The following GCM2 variants were observed in gnomAD, a reference collection of about 807,000 sequenced individuals.
The protein encoded by GCM2 is GCM transcription factor 2, also known as chorion-specific transcription factor GCMb.
Under a neutral mutation model 24.8 loss-of-function variants are expected in GCM2, and 21 were observed. The observed-to-expected ratio is 0.85, with a 90% CI of 0.60 to 1.22. The LOEUF (loss-of-function observed/expected upper bound fraction) is 1.22. GCM2 is among the 50% of genes most tolerant of loss of function. GCM2 has a pLI of 0.00. For missense variants in GCM2, 532 were observed against 645.6 expected (o/e 0.82, Z 1.91); for synonymous variants, 222 against 238.0 (o/e 0.93, Z 0.62).
In GCM2 at chr6:10,873,758, A is replaced by G; in HGVS notation, c.*237T>C. 1.8e-6 allele frequency: 1 copy of G among 563,278 alleles called. No individual in the cohort carries two copies. The allele number at this position is 563,278 out of a possible 1,614,324, so 34.9% of individuals were successfully genotyped here. A position where few individuals can be genotyped will look rare whatever the true frequency, so the allele number is the denominator to read the frequency against. ...GCTTATTTGTTCATTTGAGAGACTC[A>G]CACTTTCCTCACTACTTCTATGTAT... On this transcript the variant is annotated 3_prime_UTR_variant, in exon 5 of 5. Coordinates refer to ENST00000379491, the MANE Select transcript of GCM2 (RefSeq NM_004752.4).
At chr6:10,881,299 T>C (rs577929893) in intron 1 of GCM2, among the ~76,000 whole-genome samples, 7 of 152,118 alleles carry the variant, frequency 4.6e-5, no homozygotes, top group Non-Finnish European at 7.4e-5. Flanking sequence ...GCTGCGACTT[T>C]AGGCATGCGC....
At chr6:10,877,512 C>T in intron 1 of GCM2, 120 bp from the exon 2 acceptor site, 1 of 1,027,682 alleles carries the variant, frequency 9.7e-7, no homozygotes, top group East Asian at 2.5e-5. Flanking sequence ...CCAGTAACGT[C>T]AAATTCCAAA....
intron 1 of GCM2, among the ~76,000 whole-genome samples, chr6:10,878,594 A>G (rs185552280): frequency 2.0e-5 from 3 of 152,348 alleles, no homozygotes; most frequent in Admixed American, 6.5e-5. Flanking sequence ...CTGGGATTAC[A>G]GGCATAAGCC....
Position 10,874,895 on chromosome 6 carries a change from G to A in GCM2, c.621C>T (p.Asn207=), listed in dbSNP as rs1779855299. Residue 207 remains asparagine (N), a synonymous_variant, in exon 5 of 5, where the codon AAC becomes AAT. Coordinates refer to ENST00000379491, the MANE Select transcript of GCM2 (RefSeq NM_004752.4). ...ENQDSSGHFS[N]IPPLENPEDF... ...CTTCTGGATTTTCCAAGGGAGGTAT[G>A]TTGCTGAAATGACCACTGCTGTCTT... 6.2e-7 allele frequency: 1 copy of A among 1,613,820 alleles called. No homozygotes were observed. Among genetic ancestry groups the A allele is most frequent in the African/African-American group, 1.3e-5 (1 of 74,920 alleles).
intron 1 of GCM2, among the ~76,000 whole-genome samples, chr6:10,880,833 T>C (rs549773234): frequency 2.2e-4 from 33 of 152,262 alleles, no homozygotes; most frequent in African/African-American, 7.5e-4. Flanking sequence ...GTTAGGGAGG[T>C]CTGAGCAAAT....
At position 10,874,866 on chromosome 6, in the gene GCM2, A is replaced by G; in HGVS notation, c.650T>C (p.Phe217Ser). 1 of 1,613,944 alleles carries G rather than the reference A, an allele frequency of 6.2e-7. No individual in the cohort carries two copies. Among genetic ancestry groups the G allele is most frequent in the East Asian group, 2.2e-5 (1 of 44,880 alleles). ...NIPPLENPED[F>S]DIVTETSFPI... ...GAAGCTGGTTTCAGTAACTATATCA[A>G]AGTCTTCTGGATTTTCCAAGGGAGG... Residue 217 changes from phenylalanine (F) to serine (S), a missense_variant, in exon 5 of 5, where the codon TTT (phenylalanine) becomes TCT (serine). Transcript: ENST00000379491.
In GCM2 at chr6:10,874,447, G is replaced by A. The variant is rs763269716; in HGVS notation, c.1069C>T (p.Arg357Cys). 8.1e-6 allele frequency: 13 copies of A among 1,614,066 alleles called. No homozygotes were observed. Among genetic ancestry groups the A allele is most frequent in the Admixed American group, 5.0e-5 (3 of 60,008 alleles). Residue 357 changes from arginine to cysteine, a missense_variant, in exon 5 of 5, where the codon CGC (arginine) becomes TGC (cysteine). Physicochemically the swap from Arg to Cys is radical, Grantham distance 180 (BLOSUM62 -3). Coordinates refer to ENST00000379491, the MANE Select transcript of GCM2 (RefSeq NM_004752.4). ...GGAAGCTCTGGGTTATAATAAGGGCGAGTGGCCATGGCCTGAAACTGCCCA... is the reference window on the plus strand; with the variant it reads ...GGAAGCTCTGGGTTATAATAAGGGCAAGTGGCCATGGCCTGAAACTGCCCA... ...NHGQFQAMATRPYYNPELPCR... is the reference protein window; with the variant it reads ...NHGQFQAMATCPYYNPELPCR...
Position 10,874,299 on chromosome 6 carries a change from C to G in GCM2, c.1217G>C (p.Arg406Pro). The change falls in exon 5 of 5, where the codon CGA becomes CCA. Residue 406 changes from arginine to proline, a missense_variant. Arg to Pro is a moderately radical substitution (Grantham distance 103). Around this residue, in one of 3 missense-constraint regions of GCM2, gnomAD observed 434 missense variants for 521.9 expected, o/e 0.83. Transcript: ENST00000379491. Reference protein sequence around the residue: ...PPAMKYSDSVREVKSLSSCNY... With the variant: ...PPAMKYSDSVPEVKSLSSCNY... ...ACAGCTCGAAAGGCTCTTCACCTCT[C>G]GCACACTGTCACTGTATTTCATAGC... 2 of 1,614,218 alleles carry G rather than the reference C, an allele frequency of 1.2e-6. No homozygotes were observed. The highest frequency in any genetic ancestry group is 1.7e-6 in the Non-Finnish European group (2 of 1,180,048).
chr6:10,877,433 C>G (rs1174346019), intron 1 of GCM2, 41 bp from the exon 2 acceptor site: 3 of 1,608,844 alleles, frequency 1.9e-6, no homozygotes, highest in Admixed American at 3.3e-5. Context: ...TCTATCCAGT[C>G]CAAACTGCAC....
Position 10,881,891 on chromosome 6 carries a change from G to C in GCM2, c.-98C>G. 1 of 918,244 alleles carries C rather than the reference G, an allele frequency of 1.1e-6. No homozygotes were observed. The highest frequency in any genetic ancestry group is 2.0e-5 in the Admixed American group (1 of 50,956). The allele number at this position is 918,244 out of a possible 1,614,324, so 56.9% of individuals were successfully genotyped here. A position where few individuals can be genotyped will look rare whatever the true frequency, so the allele number is the denominator to read the frequency against. ...GGTTTTTTTTCTTCTCTTTAAAGAA[G>C]AAAGTGGGGTGTGTGAAGGGGAGGT... On this transcript the variant is annotated 5_prime_UTR_variant, in exon 1 of 5. Coordinates refer to ENST00000379491, the MANE Select transcript of GCM2 (RefSeq NM_004752.4).
chr6:10,875,024 A>T, intron 4 of GCM2, 91 bp from the exon 5 acceptor site: 1 of 909,378 alleles, frequency 1.1e-6, no homozygotes, highest in South Asian at 1.3e-5. Context: ...GTAAAAACAG[A>T]CATCCATGTG....
intron 1 of GCM2, among the ~76,000 whole-genome samples, chr6:10,881,171 T>TTCTTC (rs1258050223): frequency 7.2e-6 from 1 of 138,004 alleles, no homozygotes; most frequent in Non-Finnish European, 1.5e-5. Context: ...TCTTCTTCTT[T>TTCTTC]TTTTGAGATG....
At chr6:10,881,545 T>A (rs1198372175) in intron 1 of GCM2, among the ~76,000 whole-genome samples, 159 bp downstream of exon 1, 3 of 146,842 alleles carry the variant, frequency 2.0e-5, no homozygotes, top group Non-Finnish European at 4.5e-5. Context: ...ACCCAGAAAT[T>A]TTGCGGGTAT....
In GCM2 at chr6:10,874,673, A is replaced by C; in HGVS notation, c.843T>G (p.Gly281=). 1 of 1,614,110 alleles carries C rather than the reference A, an allele frequency of 6.2e-7. No individual in the cohort carries two copies. Among genetic ancestry groups the C allele is most frequent in the Non-Finnish European group, 8.5e-7 (1 of 1,179,984 alleles). ...PPCSYELANP[G]YTNSSPYPTL... ...TGGGATATGGGCTTGAATTTGTATA[A>C]CCAGGGTTTGCCAATTCATAGCTGC... The change falls in exon 5 of 5, where the codon GGT becomes GGG. Residue 281 remains glycine, a synonymous_variant. Coordinates refer to ENST00000379491, the MANE Select transcript of GCM2 (RefSeq NM_004752.4).
At chr6:10,878,610 G>T (rs1779915427) in intron 1 of GCM2, among the ~76,000 whole-genome samples, 1 of 152,148 alleles carries the variant, frequency 6.6e-6, no homozygotes, top group African/African-American at 2.4e-5. Flanking sequence ...AAGCCACCAT[G>T]CCCGGCCACT....
intron 1 of GCM2, 21 bp downstream of exon 1, chr6:10,881,683 G>T (rs1330838165): frequency 5.0e-6 from 8 of 1,584,174 alleles, no homozygotes; most frequent in Non-Finnish European, 6.9e-6. Flanking sequence ...CCGCGTGCCC[G>T]CACACACCCG....
At position 10,875,934 on chromosome 6, in the gene GCM2, G is replaced by A. The variant is rs758478660; in HGVS notation, c.539C>T (p.Ala180Val). The A allele has an allele frequency of 6.2e-7, 1 of 1,613,408 alleles. No homozygotes were observed. Among genetic ancestry groups the A allele is most frequent in the Non-Finnish European group, 8.5e-7 (1 of 1,179,394 alleles). Residue 180 changes from alanine to valine, a missense_variant, in exon 4 of 5, where the codon GCC becomes GTC. Coordinates refer to ENST00000379491, the MANE Select transcript of GCM2 (RefSeq NM_004752.4). The part of the protein sequence containing the change: ...ARRSAIKRQM[A>V]SFYQPQKKRI... ...CTTTTTCTGGGGTTGGTAGAAAGAGGCCATTTGTCTCTTGATGGCGCTTCT... is the reference window on the plus strand; with the variant it reads ...CTTTTTCTGGGGTTGGTAGAAAGAGACCATTTGTCTCTTGATGGCGCTTCT...
chr6:10,881,551 G>GGTGTGTGTGT (rs1215744211), intron 1 of GCM2, among the ~76,000 whole-genome samples, 153 bp downstream of exon 1: 2 of 128,166 alleles, frequency 1.6e-5, no homozygotes, highest in African/African-American at 6.0e-5. Flanking sequence ...AAATTTTGCG[G>GGTGTGTGTGT]GTATGTGTGT....
At chr6:10,876,060 G>A (rs1779872870) in intron 3 of GCM2, 44 bp from the exon 4 acceptor site, 2 of 1,610,758 alleles carry the variant, frequency 1.2e-6, no homozygotes, top group Non-Finnish European at 1.7e-6. Context: ...GCCTCTAAAG[G>A]AAGCTGACAA....
Sources: allele counts gnomAD v4.1 joint callset (sites outside exome capture counted in the v4.1 genomes callset), GRCh38; gene constraint gnomAD v4.1.1; regional missense constraint gnomAD v4.1.1; transcripts MANE v1.5; gene names NCBI Gene and HGNC (gene_info 2026-07-23, HGNC 2026-07-21).